Variants in PCDHGB5 observed in about 807,000 individuals in gnomAD.
The protein encoded by PCDHGB5 is protocadherin gamma-B5.
Under a neutral mutation model 62.9 loss-of-function variants are expected in PCDHGB5, and 48 were observed. The ratio of observed to expected loss-of-function variants is 0.76; its 90% CI spans 0.61 to 0.97. The LOEUF is 0.97. PCDHGB5 is among the 50% of genes least tolerant of loss of function. The pLI is 0.00. For synonymous variants in PCDHGB5, 474 were observed against 511.2 expected, an observed-to-expected ratio of 0.93 and a Z score of 0.98; for missense variants, 1,118 against 1,198.6, an observed-to-expected ratio of 0.93 and a Z score of 0.99.
At chr5:141,427,573 T>C in intron 1 of PCDHGB5, 1 of 667,160 alleles carries the variant, frequency 1.5e-6, no homozygotes, top group Non-Finnish European at 2.8e-6. Context: ...AAGCCTCCGC[T>C]CTCATCCAGC....
At chr5:141,454,838 C>T (rs1472341694) in intron 1 of PCDHGB5, among the ~76,000 whole-genome samples, 7 of 100,814 alleles carry the variant, frequency 6.9e-5, no homozygotes, top group Non-Finnish European at 1.1e-4. Flanking sequence ...GACAGAGTCG[C>T]GCTCTGTCAC....
chr5:141,451,745 G>T (rs562443882), intron 1 of PCDHGB5, among the ~76,000 whole-genome samples: 36 of 152,242 alleles, frequency 2.4e-4, no homozygotes, highest in Middle Eastern at 3.4e-3. Context: ...AGCTGGTCTG[G>T]TGGTGCATGC....
chr5:141,508,270 G>C lies in PCDHGB5; in HGVS notation c.2546-2677G>C, dbSNP rs547745015. On this transcript the variant is annotated intron_variant, in intron 3 of 3. Coordinates refer to ENST00000617380, the MANE Select transcript of PCDHGB5 (RefSeq NM_018925.3). Reference sequence around the variant, plus strand: ...TCTCCTGGGACCAAGAGAAAATCCCGGTCCTTGACCAAGGTGGGCCTTGGG... The same window carrying C: ...TCTCCTGGGACCAAGAGAAAATCCCCGTCCTTGACCAAGGTGGGCCTTGGG... 4 of 152,228 alleles carry C rather than the reference G, an allele frequency of 2.6e-5. No individual in the cohort carries two copies. The East Asian group carries it at 7.7e-4, about 29-fold the overall frequency. 9.4% of individuals were successfully genotyped at this position (152,228 alleles called of 1,614,324 possible). A position where few individuals can be genotyped will look rare whatever the true frequency, so the allele number is the denominator to read the frequency against.
At chr5:141,503,309 A>G (rs2099819130) in intron 2 of PCDHGB5, among the ~76,000 whole-genome samples, 1 of 152,034 alleles carries the variant, frequency 6.6e-6, no homozygotes, top group Non-Finnish European at 1.5e-5. Flanking sequence ...TCAAGAAAGA[A>G]TTGTTGGAGG....
chr5:141,476,687 A>G lies in PCDHGB5; in HGVS notation c.2398-18120A>G. 1 of 1,614,212 alleles carries G rather than the reference A, an allele frequency of 6.2e-7. No individual in the cohort carries two copies. Among genetic ancestry groups the G allele is most frequent in the Non-Finnish European group, 8.5e-7 (1 of 1,180,044 alleles). On this transcript the variant is annotated intron_variant, in intron 1 of 3. Transcript: ENST00000617380. This position sits in a 1 kb window ranked among gnomAD's most constrained non-coding sequence, Gnocchi z 7.6. ...TCGCGTGCAGACGCGGGAGGACAGC[A>G]CCAAGTACGCGGAGCTGGTGTTGGA... is the stretch of plus-strand genomic sequence containing the variant.
chr5:141,415,704 T>C (rs1262137262), intron 1 of PCDHGB5: 1 of 1,344,464 alleles, frequency 7.4e-7, no homozygotes, highest in South Asian at 1.3e-5. Context: ...GTGTAAATGC[T>C]AAAACACTGA....
At chr5:141,478,711 T>G (rs1420376406) in intron 1 of PCDHGB5, 1 of 1,547,346 alleles carries the variant, frequency 6.5e-7, no homozygotes. Context: ...CTTTGTGAGA[T>G]GGTGGCCTGC....
rs1312101699 is a variant in PCDHGB5 at position 141,421,245 on chromosome 5, G to C, written c.2397+20721G>C. ...AGCCTGCCATGGCGAATCGGCTACA[G>C]CGCGGGGACCGCAGTCGGCTGCTGC... On this transcript the variant is annotated intron_variant, in intron 1 of 3. Coordinates refer to ENST00000617380, the MANE Select transcript of PCDHGB5 (RefSeq NM_018925.3). 6.2e-7 allele frequency: 1 copy of C among 1,603,936 alleles called. No homozygotes were observed. The highest frequency in any genetic ancestry group is 8.5e-7 in the Non-Finnish European group (1 of 1,176,330).
intron 1 of PCDHGB5, among the ~76,000 whole-genome samples, chr5:141,456,276 C>T (rs1319517390): frequency 1.3e-5 from 2 of 152,146 alleles, no homozygotes; most frequent in South Asian, 4.1e-4. Flanking sequence ...CTACTTCCTG[C>T]TGAAAAGGGG....
At chr5:141,468,755 A>G (rs918829539) in intron 1 of PCDHGB5, among the ~76,000 whole-genome samples, 3 of 151,976 alleles carry the variant, frequency 2.0e-5, no homozygotes, top group African/African-American at 7.2e-5. Flanking sequence ...AGTCCCAGCT[A>G]CTCGGGAGGC....
chr5:141,448,806 G>A (rs1412164815), intron 1 of PCDHGB5, among the ~76,000 whole-genome samples: 1 of 152,008 alleles, frequency 6.6e-6, no homozygotes, highest in Admixed American at 6.5e-5. Context: ...TTAGCCAGGC[G>A]TGATGGCGGG....
chr5:141,433,076 C>T, intron 1 of PCDHGB5: 1 of 1,614,188 alleles, frequency 6.2e-7, no homozygotes, highest in Non-Finnish European at 8.5e-7. Context: ...CTTCCCCCAG[C>T]CCAACTATGC....
At chr5:141,497,212 G>T (rs968445663) in intron 2 of PCDHGB5, among the ~76,000 whole-genome samples, 3 of 150,900 alleles carry the variant, frequency 2.0e-5, no homozygotes, top group Non-Finnish European at 3.0e-5. Context: ...AGTGTAATGG[G>T]GGGGGGAAGA....
At chr5:141,448,639 T>C (rs1248697237) in intron 1 of PCDHGB5, among the ~76,000 whole-genome samples, 1 of 152,148 alleles carries the variant, frequency 6.6e-6, no homozygotes, top group Non-Finnish European at 1.5e-5. Context: ...CATTATATCC[T>C]TTAAAAATAT....
At chr5:141,510,627 G>C (rs2099881988) in intron 3 of PCDHGB5, among the ~76,000 whole-genome samples, 2 of 152,090 alleles carry the variant, frequency 1.3e-5, no homozygotes, top group South Asian at 2.1e-4. Context: ...AACCAGAAGA[G>C]GTGGTTACCA....
In PCDHGB5 at chr5:141,432,997, G is replaced by T. The variant is rs778828769; in HGVS notation, c.2397+32473G>T. 17 of 1,614,082 alleles carry T rather than the reference G, an allele frequency of 1.1e-5. No homozygotes were observed. The highest frequency in any genetic ancestry group is 4.5e-5 in the East Asian group (2 of 44,864). ...CGCACTTTGTGGGCGTGGACGGGGT[G>T]CAGGCTTTCCTGCAGACCTATTCCC... On this transcript the variant is annotated intron_variant, in intron 1 of 3. Transcript: ENST00000617380. The surrounding 1 kb of genome is among the most constrained non-coding windows in gnomAD (Gnocchi z 6.0).
chr5:141,427,556 C>A (rs1022143090), intron 1 of PCDHGB5: 7 of 649,144 alleles, frequency 1.1e-5, no homozygotes, highest in African/African-American at 1.1e-4. Flanking sequence ...CTGCCACTGA[C>A]AAGGGCAAGC....
At chr5:141,481,346 C>T (rs2099536003) in intron 1 of PCDHGB5, among the ~76,000 whole-genome samples, 1 of 152,248 alleles carries the variant, frequency 6.6e-6, no homozygotes, top group Non-Finnish European at 1.5e-5. Context: ...ATTATTTAAA[C>T]ATCTACAGCT....
At position 141,489,910 on chromosome 5, in the gene PCDHGB5, G is replaced by T; in HGVS notation, c.2398-4897G>T. ...GGATGGGGGGACCCCAGCCCGCTCA[G>T]GGACCACCCTTATCTCTGTCATCGT... On this transcript the variant is annotated intron_variant, in intron 1 of 3. Transcript: ENST00000617380. This position sits in a 1 kb window ranked among gnomAD's most constrained non-coding sequence, Gnocchi z 4.5. 1 of 1,614,226 alleles carries T rather than the reference G, an allele frequency of 6.2e-7. No homozygotes were observed. The highest frequency in any genetic ancestry group is 8.5e-7 in the Non-Finnish European group (1 of 1,180,030).
Sources: allele counts gnomAD v4.1 joint callset (sites outside exome capture counted in the v4.1 genomes callset), GRCh38; gene constraint gnomAD v4.1.1; non-coding constraint Gnocchi (gnomAD v3.1); transcripts MANE v1.5; gene names NCBI Gene and HGNC (gene_info 2026-07-23, HGNC 2026-07-21).